Variants in PTPRC observed in about 807,000 individuals in gnomAD.
The protein encoded by PTPRC is protein tyrosine phosphatase receptor type C, also known as receptor-type tyrosine-protein phosphatase C.
Under a neutral mutation model 155.9 loss-of-function variants are expected in PTPRC, and 44 were observed. That is an observed-to-expected ratio of 0.28 (90% CI 0.22 to 0.36). The LOEUF (loss-of-function observed/expected upper bound fraction) is 0.36, where lower values mean the gene tolerates loss of function less well. Among genes scored for constraint, PTPRC ranks in the 10% least tolerant of loss-of-function variants. PTPRC has a pLI of 1.00. For synonymous variants in PTPRC, 525 were observed against 533.1 expected (o/e 0.98, Z 0.21); for missense variants, 1,401 against 1,564.6 (o/e 0.90, Z 1.76).
At chr1:198,655,694 G>A (rs1663526277) in intron 2 of PTPRC, among the ~76,000 whole-genome samples, 1 of 151,968 alleles carries the variant, frequency 6.6e-6, no homozygotes, top group African/African-American at 2.4e-5. Flanking sequence ...AATCTAGTTG[G>A]AGAACTGAGA....
chr1:198,736,234 T>C (rs1654630845), intron 23 of PTPRC, among the ~76,000 whole-genome samples: 1 of 151,624 alleles, frequency 6.6e-6, no homozygotes, highest in African/African-American at 2.4e-5. Context: ...GTATAATAAA[T>C]TATTGTTGAA....
At chr1:198,652,397 T>C (rs757395182) in intron 2 of PTPRC, among the ~76,000 whole-genome samples, 1 of 151,852 alleles carries the variant, frequency 6.6e-6, no homozygotes, top group Non-Finnish European at 1.5e-5. Flanking sequence ...ATGTAGGCAC[T>C]ATCATTTGTG....
rs1245663962 is a variant in PTPRC, at chr1:198,757,317, T to C, written c.*1136T>C. 6.6e-6 allele frequency: 1 copy of C among 151,894 alleles called. No individual in the cohort carries two copies. Among genetic ancestry groups the C allele is most frequent in the Non-Finnish European group, 1.5e-5 (1 of 67,840 alleles). The allele number at this position is 151,894 out of a possible 1,614,324, so 9.4% of individuals were successfully genotyped here. ...GTTATATGTTCAAATATGAAATGTGTATGCACCTATTGAAATATGTTTAAT... is the reference window on the plus strand; with the variant it reads ...GTTATATGTTCAAATATGAAATGTGCATGCACCTATTGAAATATGTTTAAT... On this transcript the variant is annotated 3_prime_UTR_variant, in exon 33 of 33. Coordinates refer to ENST00000442510, the MANE Select transcript of PTPRC (RefSeq NM_002838.5).
At chr1:198,648,149 A>G (rs1367735768) in intron 2 of PTPRC, among the ~76,000 whole-genome samples, 2 of 151,872 alleles carry the variant, frequency 1.3e-5, no homozygotes, top group East Asian at 3.9e-4. Flanking sequence ...AGTTGTGTAG[A>G]TTATTATTAG....
At chr1:198,677,370 A>G (rs957046709) in intron 2 of PTPRC, among the ~76,000 whole-genome samples, 15 of 152,156 alleles carry the variant, frequency 9.9e-5, no homozygotes, top group African/African-American at 3.6e-4. Context: ...AAAGATTTCT[A>G]GCACCCCTCT....
intron 2 of PTPRC, among the ~76,000 whole-genome samples, chr1:198,676,148 A>G (rs1047241818): frequency 4.6e-5 from 7 of 152,246 alleles, no homozygotes; most frequent in African/African-American, 1.7e-4. Context: ...ATTTAATTCA[A>G]TACATGGAGT....
intron 2 of PTPRC, among the ~76,000 whole-genome samples, chr1:198,692,145 A>G (rs1207900060): frequency 6.6e-6 from 1 of 152,088 alleles, no homozygotes; most frequent in African/African-American, 2.4e-5. Flanking sequence ...AAAATAAATA[A>G]CATAATTTTG....
At chr1:198,686,742 G>A (rs1449938915) in intron 2 of PTPRC, among the ~76,000 whole-genome samples, 1 of 152,120 alleles carries the variant, frequency 6.6e-6, no homozygotes, top group Non-Finnish European at 1.5e-5. Flanking sequence ...TTGTGCACTG[G>A]TTATAAAATA....
At chr1:198,674,515 A>G (rs1280801530) in intron 2 of PTPRC, among the ~76,000 whole-genome samples, 1 of 148,354 alleles carries the variant, frequency 6.7e-6, no homozygotes, top group Non-Finnish European at 1.5e-5. Flanking sequence ...AATAATATAT[A>G]TAGCATATAT....
rs749019883 is a variant in PTPRC at position 198,752,378 on chromosome 1, A to T, written c.3330+7A>T. On this transcript the variant is annotated splice_region_variant and intron_variant, in intron 30 of 32. Transcript: ENST00000442510. Reference sequence around the variant, plus strand: ...TGAACTGAGACATTCCAAGGTATGGAAACAATTTGGGGAGTATATTTCTTT... The same window carrying T: ...TGAACTGAGACATTCCAAGGTATGGTAACAATTTGGGGAGTATATTTCTTT... 1.9e-6 allele frequency: 3 copies of T among 1,612,446 alleles called. No homozygotes were observed. Among genetic ancestry groups the T allele is most frequent in the South Asian group, 1.1e-5 (1 of 91,068 alleles).
At chr1:198,687,603 C>CT (rs1172708338) in intron 2 of PTPRC, among the ~76,000 whole-genome samples, 14 of 150,200 alleles carry the variant, frequency 9.3e-5, no homozygotes, top group Admixed American at 4.6e-4. Flanking sequence ...CATTAGATGA[C>CT]TGGGGGGGCG....
chr1:198,670,169 G>A (rs1021984081), intron 2 of PTPRC, among the ~76,000 whole-genome samples: 2 of 151,974 alleles, frequency 1.3e-5, no homozygotes, highest in South Asian at 4.1e-4. Flanking sequence ...TAGCTTGACT[G>A]GGGCCTACTT....
At chr1:198,714,349 CT>C (rs1413708491) in intron 12 of PTPRC, among the ~76,000 whole-genome samples, 1 of 151,882 alleles carries the variant, frequency 6.6e-6, no homozygotes, top group East Asian at 1.9e-4. Flanking sequence ...TTTTTTTAAA[CT>C]GTATTTCCAC....
intron 2 of PTPRC, among the ~76,000 whole-genome samples, chr1:198,675,552 C>T (rs1258978028): frequency 6.6e-6 from 1 of 152,050 alleles, no homozygotes; most frequent in East Asian, 1.9e-4. Flanking sequence ...TATAAGCCTC[C>T]CCTAAGGTTT....
At chr1:198,675,147 A>G (rs1664877289) in intron 2 of PTPRC, among the ~76,000 whole-genome samples, 1 of 152,156 alleles carries the variant, frequency 6.6e-6, no homozygotes, top group South Asian at 2.1e-4. Context: ...TTTGATCCAA[A>G]GCCCTGATTT....
intron 2 of PTPRC, among the ~76,000 whole-genome samples, chr1:198,652,342 A>G (rs1663298219): frequency 6.6e-6 from 1 of 151,804 alleles, no homozygotes; most frequent in African/African-American, 2.4e-5. Flanking sequence ...TCTCTCCCAT[A>G]TAACACAAAC....
At chr1:198,687,524 T>A (rs912515763) in intron 2 of PTPRC, among the ~76,000 whole-genome samples, 1 of 152,194 alleles carries the variant, frequency 6.6e-6, no homozygotes, top group Non-Finnish European at 1.5e-5. Flanking sequence ...ACTCCCTACC[T>A]TGTTTCATAT....
At chr1:198,643,574 T>C (rs12137309) in intron 2 of PTPRC, among the ~76,000 whole-genome samples, 1,705 of 151,934 alleles carry the variant, frequency 0.011, 18 homozygotes, top group Non-Finnish European at 0.013. Context: ...TTTGCTCCCT[T>C]TCTTACTCTC....
chr1:198,654,735 T>A (rs1042075705), intron 2 of PTPRC, among the ~76,000 whole-genome samples: 3 of 151,856 alleles, frequency 2.0e-5, no homozygotes, highest in African/African-American at 7.2e-5. Context: ...TTCTCAAAAT[T>A]CACATTAATA....
Sources: allele counts gnomAD v4.1 joint callset (sites outside exome capture counted in the v4.1 genomes callset), GRCh38; gene constraint gnomAD v4.1.1; transcripts MANE v1.5; gene names NCBI Gene and HGNC (gene_info 2026-07-23, HGNC 2026-07-21).